Variants in SLX4IP observed in about 807,000 individuals in gnomAD.
The protein encoded by SLX4IP is SLX4 interacting protein.
A neutral mutation model predicts 32.9 loss-of-function variants in SLX4IP; 34 were observed. The ratio of observed to expected loss-of-function variants is 1.03; its 90% CI spans 0.79 to 1.38. The LOEUF (loss-of-function observed/expected upper bound fraction) is 1.38. Among genes scored for constraint, SLX4IP ranks in the 40% most tolerant of loss-of-function variants. SLX4IP has a pLI of 0.00. For missense variants in SLX4IP, 444 were observed against 479.0 expected, an observed-to-expected ratio of 0.93 and a Z score of 0.68; for synonymous variants, 172 against 171.7, an observed-to-expected ratio of 1.00 and a Z score of -0.01.
chr20:10,623,658 G>T lies in SLX4IP; in HGVS notation c.*279G>T. On this transcript the variant is annotated 3_prime_UTR_variant, in exon 8 of 8. Coordinates refer to ENST00000334534, the MANE Select transcript of SLX4IP (RefSeq NM_001009608.3). ...AAGAGCCATCCACCTTGTCAGGGAG[G>T]AGACTGTGCAAGGACTGCATGAAGA... is the stretch of plus-strand genomic sequence containing the variant. 2.2e-6 allele frequency: 1 copy of T among 458,052 alleles called. No individual in the cohort carries two copies. The highest frequency in any genetic ancestry group is 3.9e-6 in the Non-Finnish European group (1 of 258,376). 28.4% of individuals were successfully genotyped at this position (458,052 alleles called of 1,614,324 possible).
chr20:10,473,908 C>T (rs187387294), intron 2 of SLX4IP, among the ~76,000 whole-genome samples: 36 of 152,120 alleles, frequency 2.4e-4, no homozygotes, highest in Middle Eastern at 3.4e-3. Context: ...CTGCAACCTC[C>T]GCCTCATGGG....
chr20:10,572,002 T>C (rs600045), intron 4 of SLX4IP, among the ~76,000 whole-genome samples: 89,900 of 151,912 alleles, frequency 0.59, 27,002 homozygotes, highest in South Asian at 0.76. Flanking sequence ...CCCAGGTCTT[T>C]GTTAGTATTA....
At chr20:10,470,449 G>A (rs912558675) in intron 2 of SLX4IP, among the ~76,000 whole-genome samples, 1 of 152,170 alleles carries the variant, frequency 6.6e-6, no homozygotes, top group Non-Finnish European at 1.5e-5. Context: ...TAGGCTCTTG[G>A]AATATCCATG....
chr20:10,464,203 T>C (rs907063713), intron 2 of SLX4IP, among the ~76,000 whole-genome samples: 1 of 152,040 alleles, frequency 6.6e-6, no homozygotes, highest in Non-Finnish European at 1.5e-5. Flanking sequence ...TTTGTTTGTT[T>C]GAAAGATGGG....
At chr20:10,492,236 A>G (rs1600926390) in intron 2 of SLX4IP, among the ~76,000 whole-genome samples, 1 of 152,122 alleles carries the variant, frequency 6.6e-6, no homozygotes, top group African/African-American at 2.4e-5. Flanking sequence ...GCTGTAGGGG[A>G]TGTGTCCTGG....
chr20:10,438,978 T>C (rs986976628), intron 1 of SLX4IP, among the ~76,000 whole-genome samples: 2 of 152,056 alleles, frequency 1.3e-5, no homozygotes, highest in African/African-American at 4.8e-5. Context: ...GCACTGGTAT[T>C]ATAGGCATGA....
chr20:10,617,511 G>A (rs2067050532), intron 6 of SLX4IP, among the ~76,000 whole-genome samples: 1 of 152,152 alleles, frequency 6.6e-6, no homozygotes, highest in Non-Finnish European at 1.5e-5. Flanking sequence ...TAATCCAACA[G>A]TGTTCTGTTC....
In SLX4IP at chr20:10,526,573, A is replaced by G. The variant is rs373826672; in HGVS notation, c.28-29658A>G. On this transcript the variant is annotated intron_variant, in intron 2 of 7. Transcript: ENST00000334534. ...TAGTAGGCTTCTGTATTTGTTTCCTATGGATGACATAACAAATTGCCACAA... is the reference window on the plus strand; with the variant it reads ...TAGTAGGCTTCTGTATTTGTTTCCTGTGGATGACATAACAAATTGCCACAA... 4.7e-4 allele frequency among the ~76,000 whole-genome samples: 71 copies of G among 152,228 alleles called. No homozygotes were observed. In the South Asian group the frequency reaches 0.015, roughly 32 times the overall value.
intron 1 of SLX4IP, among the ~76,000 whole-genome samples, chr20:10,447,911 C>A (rs993094875): frequency 2.0e-5 from 3 of 149,522 alleles, no homozygotes; most frequent in Non-Finnish European, 4.4e-5. Flanking sequence ...CACTTTGTTG[C>A]CTAGGCTGGT....
At chr20:10,452,783 G>A (rs1041045790) in intron 1 of SLX4IP, among the ~76,000 whole-genome samples, 1 of 151,342 alleles carries the variant, frequency 6.6e-6, no homozygotes, top group African/African-American at 2.4e-5. Context: ...TCCAGGAAGT[G>A]GAGGTTGCTG....
At chr20:10,563,132 G>A (rs1250392934) in intron 4 of SLX4IP, among the ~76,000 whole-genome samples, 1 of 152,114 alleles carries the variant, frequency 6.6e-6, no homozygotes, top group African/African-American at 2.4e-5. Context: ...ATCTAATTGT[G>A]GTTTTGATTT....
chr20:10,511,907 G>T (rs189800316), intron 2 of SLX4IP, among the ~76,000 whole-genome samples: 23 of 152,266 alleles, frequency 1.5e-4, no homozygotes, highest in Non-Finnish European at 2.1e-4. Flanking sequence ...ACATGAAATT[G>T]TTGCATAGTA....
chr20:10,621,449 C>A (rs2067111667), intron 7 of SLX4IP, 35 bp downstream of exon 7: 1 of 1,589,904 alleles, frequency 6.3e-7, no homozygotes, highest in Non-Finnish European at 8.6e-7. Flanking sequence ...CTCATTTTTG[C>A]CTGTCTCTAT....
chr20:10,516,077 G>A (rs531208599), intron 2 of SLX4IP, among the ~76,000 whole-genome samples: 16 of 152,208 alleles, frequency 1.1e-4, no homozygotes, highest in Admixed American at 3.9e-4. Context: ...TTGTAGAGAC[G>A]GGGTTTCACC....
chr20:10,615,593 C>T (rs58288731), intron 6 of SLX4IP, among the ~76,000 whole-genome samples: 2,017 of 152,312 alleles, frequency 0.013, 18 homozygotes, highest in South Asian at 0.04. Context: ...AAACCTGTGT[C>T]TTACCTGCCT....
intron 7 of SLX4IP, among the ~76,000 whole-genome samples, 168 bp downstream of exon 7, chr20:10,621,582 G>C (rs77178148): frequency 6.6e-6 from 1 of 152,110 alleles, no homozygotes; most frequent in Admixed American, 6.5e-5. Context: ...GGACAATAGG[G>C]ATAGAATCCT....
intron 4 of SLX4IP, among the ~76,000 whole-genome samples, chr20:10,581,113 T>C (rs1161194861): frequency 1.3e-5 from 2 of 152,062 alleles, no homozygotes; most frequent in Admixed American, 1.3e-4. Context: ...CTTGCTCTAA[T>C]GCATGGGGAA....
intron 2 of SLX4IP, among the ~76,000 whole-genome samples, chr20:10,468,764 G>A (rs1354056772): frequency 6.6e-6 from 1 of 151,968 alleles, no homozygotes; most frequent in Non-Finnish European, 1.5e-5. Flanking sequence ...TGACTGTTAT[G>A]TGCAGTTTAT....
chr20:10,445,418 C>T (rs1415824331), intron 1 of SLX4IP, among the ~76,000 whole-genome samples: 3 of 146,638 alleles, frequency 2.0e-5, no homozygotes, highest in Non-Finnish European at 4.5e-5. Context: ...TAGGTTCAAG[C>T]AATTCTCCTG....
Sources: gnomAD v4.1 joint callset for allele counts (sites outside exome capture counted in the v4.1 genomes callset) on GRCh38, gnomAD v4.1.1 for gene constraint, MANE v1.5 for transcripts, NCBI Gene and HGNC (gene_info 2026-07-23, HGNC 2026-07-21) for gene names.